The following CAGE1 variants were observed in gnomAD, a reference collection of about 807,000 sequenced individuals.
The protein encoded by CAGE1 is cancer-associated gene 1 protein.
In CAGE1, 66 loss-of-function variants were observed where a neutral mutation model predicts 94.9. The ratio of observed to expected loss-of-function variants is 0.70; its 90% CI spans 0.57 to 0.85. CAGE1 has a LOEUF of 0.85. CAGE1 is among the 40% of genes least tolerant of loss of function. CAGE1 has a pLI of 0.00. For missense variants in CAGE1, 865 were observed against 950.4 expected, an observed-to-expected ratio of 0.91 and a Z score of 1.18; for synonymous variants, 319 against 321.0, an observed-to-expected ratio of 0.99 and a Z score of 0.07.
chr6:7,334,483 C>G (rs1406459222), intron 11 of CAGE1, among the ~76,000 whole-genome samples: 2 of 152,098 alleles, frequency 1.3e-5, no homozygotes, highest in Admixed American at 1.3e-4. Context: ...AATCCCAGCA[C>G]TTTGGGAGGC....
At chr6:7,353,131 G>A (rs552603014) in intron 11 of CAGE1, among the ~76,000 whole-genome samples, 32 of 152,232 alleles carry the variant, frequency 2.1e-4, no homozygotes, top group African/African-American at 6.0e-4. Flanking sequence ...GAAAATCTTC[G>A]CACTCTATAC....
Position 7,362,924 on chromosome 6 carries a change from C to A in CAGE1, c.2193+2544G>T, listed in dbSNP as rs1405421380. ...TTTGTTCTCCTGGAGTACTTTAAAG[C>A]AAACCTTGCCATCATATTAATTCAC... is the stretch of plus-strand genomic sequence containing the variant. On this transcript the variant is annotated intron_variant, in intron 9 of 13. Coordinates refer to ENST00000502583, the MANE Select transcript of CAGE1 (RefSeq NM_001170692.2). The surrounding 1 kb of genome is among the most constrained non-coding windows in gnomAD (Gnocchi z 4.1). 6.6e-6 allele frequency among the ~76,000 whole-genome samples: 1 copy of A among 152,112 alleles called. No individual in the cohort carries two copies. Among genetic ancestry groups the A allele is most frequent in the Non-Finnish European group, 1.5e-5 (1 of 68,020 alleles).
chr6:7,339,883 T>C lies in CAGE1; in HGVS notation c.2370-5793A>G, dbSNP rs1190184953. Among the ~76,000 whole-genome samples the C allele has an allele frequency of 1.3e-5, 2 of 152,268 alleles. No individual in the cohort carries two copies. Among genetic ancestry groups the C allele is most frequent in the Non-Finnish European group, 2.9e-5 (2 of 68,046 alleles). ...CAAATTGTGCTGCTATAAACATGCA[T>C]GTGCAAGTATCTTTTTTGAATAATG... On this transcript the variant is annotated intron_variant, in intron 11 of 13. Coordinates refer to ENST00000502583, the MANE Select transcript of CAGE1 (RefSeq NM_001170692.2). This position sits in a 1 kb window ranked among gnomAD's most constrained non-coding sequence, Gnocchi z 4.7.
chr6:7,386,725 T>C (rs913955857), intron 2 of CAGE1, among the ~76,000 whole-genome samples: 1 of 152,218 alleles, frequency 6.6e-6, no homozygotes, highest in African/African-American at 2.4e-5. Context: ...TAGCTGGGAT[T>C]ACAGGTGCTC....
chr6:7,345,161 T>C (rs1239380943), intron 11 of CAGE1, among the ~76,000 whole-genome samples: 1 of 110,648 alleles, frequency 9.0e-6, no homozygotes, highest in Non-Finnish European at 1.9e-5. Context: ...CCATATTGCT[T>C]TTAGGAGCTA....
Position 7,367,278 on chromosome 6 carries a change from A to ATTTTTTTTTTTTT in CAGE1, c.2004+1397_2005-1395dup, listed in dbSNP as rs70978961. 3.1e-4 allele frequency among the ~76,000 whole-genome samples: 34 copies of ATTTTTTTTTTTTT among 111,202 alleles called. 1 individual carries two copies. Among genetic ancestry groups the ATTTTTTTTTTTTT allele is most frequent in the South Asian group, 1.5e-3 (5 of 3,294 alleles). The allele number at this position is 111,202 out of a possible 152,430, so 73.0% of individuals were successfully genotyped here. A position where few individuals can be genotyped will look rare whatever the true frequency, so the allele number is the denominator to read the frequency against. On this transcript the variant is annotated intron_variant, in intron 7 of 13. Transcript: ENST00000502583. The stretch of plus-strand genomic sequence containing the variant: ...AATATCTGAAAGAAATATTTGGGGG[A>ATTTTTTTTTTTTT]TTTTTTTTTTTTTTTTGCTTTTTGT...
intron 9 of CAGE1, among the ~76,000 whole-genome samples, chr6:7,359,506 C>T (rs1760100678): frequency 6.6e-6 from 1 of 152,124 alleles, no homozygotes. Context: ...GCTCTAAGGG[C>T]AGGGGTGAGT....
chr6:7,329,714 T>C, intron 13 of CAGE1, 135 bp downstream of exon 13: 1 of 555,218 alleles, frequency 1.8e-6, no homozygotes, highest in East Asian at 3.0e-5. Flanking sequence ...GGAAGAGCCC[T>C]CATCTGAAGA....
rs550574838 is a variant in CAGE1, at chr6:7,385,294, C to T, written c.283+491G>A. Among the ~76,000 whole-genome samples, 126 of 149,978 alleles carry T rather than the reference C, an allele frequency of 8.4e-4. 2 individuals are homozygous for T. Among genetic ancestry groups the T allele is most frequent in the African/African-American group, 2.4e-3 (98 of 40,792 alleles). On this transcript the variant is annotated intron_variant, in intron 3 of 13. Transcript: ENST00000502583. ...TGCTGGGATTACAGGCGTGAGCCAC[C>T]GTGCCTGGCCCCCGCTTTTTTTTTT...
chr6:7,360,058 T>A (rs1760116166), intron 9 of CAGE1, among the ~76,000 whole-genome samples: 1 of 152,166 alleles, frequency 6.6e-6, no homozygotes, highest in Non-Finnish European at 1.5e-5. Context: ...CCTCTCTTCA[T>A]CTTCAGAGCC....
intron 11 of CAGE1, among the ~76,000 whole-genome samples, chr6:7,336,803 C>T (rs905079273): frequency 2.0e-5 from 3 of 152,176 alleles, no homozygotes; most frequent in Non-Finnish European, 2.9e-5. Context: ...AGCCACCGCA[C>T]GCAGCTGACA....
intron 11 of CAGE1, among the ~76,000 whole-genome samples, chr6:7,350,629 A>C (rs901726947): frequency 6.6e-6 from 1 of 152,214 alleles, no homozygotes; most frequent in African/African-American, 2.4e-5. Flanking sequence ...ATGCAAATAC[A>C]TGGAAATTAA....
intron 11 of CAGE1, chr6:7,341,511 A>G: frequency 8.1e-7 from 1 of 1,239,942 alleles, no homozygotes; most frequent in South Asian, 1.2e-5. Flanking sequence ...AGTAGATGTC[A>G]CCCAGAAGAT....
intron 7 of CAGE1, among the ~76,000 whole-genome samples, chr6:7,367,612 T>A (rs920564654): frequency 6.6e-6 from 1 of 152,150 alleles, no homozygotes; most frequent in Non-Finnish European, 1.5e-5. Flanking sequence ...GTTGGGCTTA[T>A]TTTTGAAAGC....
rs773887819 is a variant in CAGE1, at chr6:7,333,642, C to CTATA, written c.2438+376_2438+379dup. ...ATTATCTAACTATCTATCTAACTAT[C>CTATA]TATATATATATATATATATATATAT... On this transcript the variant is annotated intron_variant, in intron 12 of 13. Coordinates refer to ENST00000502583, the MANE Select transcript of CAGE1 (RefSeq NM_001170692.2). Among the ~76,000 whole-genome samples, 837 of 121,350 alleles carry CTATA rather than the reference C, an allele frequency of 6.9e-3. 2 individuals are homozygous for CTATA. The highest frequency in any genetic ancestry group is 0.028 in the Middle Eastern group (6 of 214). 79.6% of individuals were successfully genotyped at this position (121,350 alleles called of 152,430 possible).
At chr6:7,350,188 C>T (rs1283621569) in intron 11 of CAGE1, among the ~76,000 whole-genome samples, 1 of 152,058 alleles carries the variant, frequency 6.6e-6, no homozygotes, top group Non-Finnish European at 1.5e-5. Flanking sequence ...TAAAAAGCCT[C>T]GTCCAACAGG....
At chr6:7,352,955 T>C (rs1759836437) in intron 11 of CAGE1, among the ~76,000 whole-genome samples, 2 of 152,064 alleles carry the variant, frequency 1.3e-5, no homozygotes, top group African/African-American at 2.4e-5. Flanking sequence ...GAAGATAACA[T>C]TGGAAAAAAC....
intron 11 of CAGE1, among the ~76,000 whole-genome samples, chr6:7,351,787 A>T (rs997278132): frequency 6.6e-6 from 1 of 152,196 alleles, no homozygotes; most frequent in Non-Finnish European, 1.5e-5. Flanking sequence ...AAATCATATG[A>T]TCTTCTCAAT....
Position 7,378,619 on chromosome 6 carries a change from TAC to T in CAGE1, c.683_684del (p.Cys228Ter). The T allele has an allele frequency of 6.4e-7, 1 of 1,571,658 alleles. No homozygotes were observed. The highest frequency in any genetic ancestry group is 2.2e-5 in the East Asian group (1 of 44,702). Reference sequence around the variant, plus strand: ...ACAATATTATTGTGTACACTTTCCTTACATAAGAAGCTTGGAGGTTGGCTAGG... The same window carrying T: ...ACAATATTATTGTGTACACTTTCCTTATAAGAAGCTTGGAGGTTGGCTAGG... ...LNPSQPPSFL[C>X]KTAVPSKEIQ... On this transcript the variant is annotated frameshift_variant, in exon 4 of 14. Transcript: ENST00000502583. LOFTEE classifies it high-confidence loss of function.
Sources: allele counts gnomAD v4.1 joint callset (sites outside exome capture counted in the v4.1 genomes callset), GRCh38; gene constraint gnomAD v4.1.1; non-coding constraint Gnocchi (gnomAD v3.1); transcripts MANE v1.5; gene names NCBI Gene and HGNC (gene_info 2026-07-23, HGNC 2026-07-21).